RBMS3: variants seen among roughly 807,000 people sequenced by gnomAD.
RBMS3 encodes the protein RNA binding motif single stranded interacting protein 3, also known as RNA-binding motif, single-stranded-interacting protein 3.
Under a neutral mutation model 66.8 loss-of-function variants are expected in RBMS3, and 27 were observed. That is an observed-to-expected ratio of 0.40 (90% CI 0.30 to 0.56). The LOEUF is 0.56. Ranked by LOEUF, RBMS3 falls within the 20% of genes least tolerant of loss-of-function variation. The probability of loss-of-function intolerance (pLI) is 0.40; values close to 1 mark genes in which losing one functional copy is unlikely to be tolerated. For missense variants in RBMS3, 513 were observed against 549.5 expected (o/e 0.93, Z 0.66); for synonymous variants, 188 against 183.0 (o/e 1.03, Z -0.22).
chr3:29,298,946 G>A (rs770298437), intron 1 of RBMS3, among the ~76,000 whole-genome samples: 54 of 151,814 alleles, frequency 3.6e-4, no homozygotes, highest in Non-Finnish European at 6.5e-4. Context: ...GGACAAGACA[G>A]GAGTTATAAC....
At chr3:29,855,384 A>C (rs564201262) in intron 6 of RBMS3, among the ~76,000 whole-genome samples, 3 of 152,198 alleles carry the variant, frequency 2.0e-5, no homozygotes, top group Non-Finnish European at 4.4e-5. Flanking sequence ...TAGATGGTTA[A>C]ATTTAATTGC....
At chr3:29,309,767 GA>G (rs770305345) in intron 1 of RBMS3, among the ~76,000 whole-genome samples, 3 of 151,522 alleles carry the variant, frequency 2.0e-5, no homozygotes, top group African/African-American at 7.3e-5. Context: ...AAGACTGAGG[GA>G]AAAAATGCAT....
intron 10 of RBMS3, among the ~76,000 whole-genome samples, chr3:29,918,130 CT>C (rs2149648046): frequency 6.6e-6 from 1 of 152,134 alleles, no homozygotes; most frequent in Non-Finnish European, 1.5e-5. Flanking sequence ...AACACCAACT[CT>C]ATTTCATTAT....
chr3:29,992,719 C>CAGTG (rs1698967485), intron 14 of RBMS3, among the ~76,000 whole-genome samples: 1 of 152,042 alleles, frequency 6.6e-6, no homozygotes, highest in Non-Finnish European at 1.5e-5. Context: ...GTGAGGGGGT[C>CAGTG]AGTGAGTGGG....
At chr3:29,622,144 A>G (rs1254300124) in intron 4 of RBMS3, among the ~76,000 whole-genome samples, 2 of 152,226 alleles carry the variant, frequency 1.3e-5, no homozygotes, top group African/African-American at 4.8e-5. Context: ...TCCTACAAAT[A>G]TTTATTATAA....
At chr3:29,884,428 C>T (rs911490349) in intron 8 of RBMS3, among the ~76,000 whole-genome samples, 3 of 77,676 alleles carry the variant, frequency 3.9e-5, no homozygotes, top group African/African-American at 8.6e-5. Context: ...CCTGTTCTCT[C>T]TCTCTCTCTC....
At chr3:29,981,921 G>C (rs1698021890) in intron 12 of RBMS3, among the ~76,000 whole-genome samples, 1 of 152,180 alleles carries the variant, frequency 6.6e-6, no homozygotes, top group Non-Finnish European at 1.5e-5. Context: ...TTTGGTATCG[G>C]GGTGATGCCG....
intron 12 of RBMS3, among the ~76,000 whole-genome samples, chr3:29,975,147 A>G (rs979569850): frequency 6.8e-6 from 1 of 146,514 alleles, no homozygotes; most frequent in Non-Finnish European, 1.5e-5. Context: ...TATATTTTAT[A>G]TATGCTTTAT....
At chr3:29,329,104 G>A (rs893760531) in intron 1 of RBMS3, among the ~76,000 whole-genome samples, 5 of 152,036 alleles carry the variant, frequency 3.3e-5, no homozygotes, top group South Asian at 2.1e-4. Context: ...CCACTATACC[G>A]GGAAAATATA....
chr3:29,611,602 A>G (rs1404597875), intron 4 of RBMS3, among the ~76,000 whole-genome samples: 1 of 151,978 alleles, frequency 6.6e-6, no homozygotes, highest in Non-Finnish European at 1.5e-5. Context: ...AAGAATCTTC[A>G]TAAGTTCGTA....
intron 3 of RBMS3, among the ~76,000 whole-genome samples, chr3:29,571,582 G>A (rs931940438): frequency 8.5e-5 from 13 of 152,094 alleles, no homozygotes; most frequent in African/African-American, 3.1e-4. Flanking sequence ...TGAGTTCACT[G>A]TAGGTACGTA....
In RBMS3 at chr3:29,558,158, T is replaced by C. The variant is rs569670297; in HGVS notation, c.308-28956T>C. Among the ~76,000 whole-genome samples, 7 of 152,098 alleles carry C rather than the reference T, an allele frequency of 4.6e-5. No individual in the cohort carries two copies. In the East Asian group the frequency reaches 1.4e-3, roughly 29 times the overall value. On this transcript the variant is annotated intron_variant, in intron 3 of 14. Transcript: ENST00000383767. Reference sequence around the variant, plus strand: ...TTTCATGTCAATTCCTCCATATACATACACATCCCATAACGGCACATAGAA... The same window carrying C: ...TTTCATGTCAATTCCTCCATATACACACACATCCCATAACGGCACATAGAA...
chr3:29,470,291 C>G (rs886886999), intron 2 of RBMS3, among the ~76,000 whole-genome samples: 1 of 151,918 alleles, frequency 6.6e-6, no homozygotes, highest in Non-Finnish European at 1.5e-5. Flanking sequence ...AATTATCTAA[C>G]ATGCAATTGA....
At chr3:29,921,301 T>A (rs1244588454) in intron 10 of RBMS3, among the ~76,000 whole-genome samples, 1 of 151,988 alleles carries the variant, frequency 6.6e-6, no homozygotes, top group Non-Finnish European at 1.5e-5. Context: ...TGACCTCAAG[T>A]GATCTGCCTG....
intron 5 of RBMS3, among the ~76,000 whole-genome samples, chr3:29,749,441 C>G (rs552238553): frequency 6.6e-6 from 1 of 152,230 alleles, no homozygotes; most frequent in South Asian, 2.1e-4. Context: ...TAAAGTGTAA[C>G]AAGAATAATG....
intron 2 of RBMS3, among the ~76,000 whole-genome samples, chr3:29,444,776 G>A (rs962633127): frequency 8.4e-5 from 7 of 83,650 alleles, no homozygotes; most frequent in Admixed American, 5.0e-4. Flanking sequence ...TCTTTCAAGC[G>A]GAAATATATG....
chr3:29,473,196 AGT>A (rs1448051710), intron 2 of RBMS3, among the ~76,000 whole-genome samples: 1 of 151,906 alleles, frequency 6.6e-6, no homozygotes, highest in African/African-American at 2.4e-5. Flanking sequence ...CTAGATACAG[AGT>A]GTCGATTGGT....
At chr3:29,827,540 G>C (rs1210344840) in intron 6 of RBMS3, among the ~76,000 whole-genome samples, 4 of 152,064 alleles carry the variant, frequency 2.6e-5, no homozygotes, top group Middle Eastern at 3.2e-3. Context: ...AGATTAACCA[G>C]TTATTCATAT....
chr3:29,812,741 G>T (rs2057763543), intron 6 of RBMS3, among the ~76,000 whole-genome samples: 1 of 152,114 alleles, frequency 6.6e-6, no homozygotes, highest in Non-Finnish European at 1.5e-5. Flanking sequence ...TTTTTTCTGA[G>T]AGTAATCAGG....
Sources: allele counts gnomAD v4.1 joint callset (sites outside exome capture counted in the v4.1 genomes callset), GRCh38; gene constraint gnomAD v4.1.1; transcripts MANE v1.5; gene names NCBI Gene and HGNC (gene_info 2026-07-23, HGNC 2026-07-21).